SCN11A: variants seen among roughly 807,000 people sequenced by gnomAD.
The protein encoded by SCN11A is sodium voltage-gated channel alpha subunit 11.
SCN11A carries 122 observed loss-of-function variants against 162.2 expected under a neutral mutation model. That is an observed-to-expected ratio of 0.75 (90% confidence interval 0.65 to 0.87). The LOEUF (loss-of-function observed/expected upper bound fraction) is 0.87, where lower values mean the gene tolerates loss of function less well. Among genes scored for constraint, SCN11A ranks in the 40% least tolerant of loss-of-function variants. The pLI, the probability that SCN11A is intolerant of heterozygous loss-of-function variation, is 0.00. For synonymous variants in SCN11A, 758 were observed against 751.5 expected (o/e 1.01, Z -0.14); for missense variants, 2,015 against 2,181.6 (o/e 0.92, Z 1.52).
intron 23 of SCN11A, among the ~76,000 whole-genome samples, chr3:38,878,342 C>T (rs766919864): frequency 5.9e-5 from 9 of 152,034 alleles, no homozygotes; most frequent in Middle Eastern, 3.4e-3. Flanking sequence ...TTATAGTCCA[C>T]ATCCTCATTT....
intron 18 of SCN11A, among the ~76,000 whole-genome samples, chr3:38,896,161 T>G (rs1345851537): frequency 6.6e-6 from 1 of 152,220 alleles, no homozygotes; most frequent in African/African-American, 2.4e-5. Flanking sequence ...TCACTCTACC[T>G]GCCTCAGTGT....
chr3:38,889,812 TAAAATAAAATAAAATAAAATA>T (rs2065467490), intron 19 of SCN11A, among the ~76,000 whole-genome samples: 1 of 40,570 alleles, frequency 2.5e-5, no homozygotes, highest in South Asian at 6.3e-4. Context: ...AAAAATAAAA[TAAAATAAAATAAAATAAAATA>T]AAATAAAATA....
At chr3:38,941,347 G>A (rs183716562) in intron 7 of SCN11A, among the ~76,000 whole-genome samples, 14 of 152,234 alleles carry the variant, frequency 9.2e-5, no homozygotes, top group African/African-American at 3.4e-4. Flanking sequence ...GACATTTTCA[G>A]ATCAATATAA....
intron 2 of SCN11A, among the ~76,000 whole-genome samples, chr3:38,994,885 A>G (rs1261210704): frequency 6.6e-6 from 1 of 152,192 alleles, no homozygotes; most frequent in East Asian, 1.9e-4. Context: ...AGAGGCTGCC[A>G]GAAATGTGAG....
At chr3:39,048,849 T>C (rs1456921735) in intron 1 of SCN11A, among the ~76,000 whole-genome samples, 5 of 152,328 alleles carry the variant, frequency 3.3e-5, no homozygotes, top group African/African-American at 9.6e-5. Context: ...AGGAACCAAA[T>C]AGTGCTGTGG....
intron 7 of SCN11A, among the ~76,000 whole-genome samples, chr3:38,931,777 C>A (rs530285039): frequency 1.3e-5 from 2 of 152,220 alleles, no homozygotes; most frequent in African/African-American, 4.8e-5. Flanking sequence ...CACCATCATA[C>A]CTCTAGCGGG....
intron 1 of SCN11A, among the ~76,000 whole-genome samples, chr3:39,041,026 G>C (rs979705793): frequency 1.3e-5 from 2 of 152,202 alleles, no homozygotes; most frequent in Non-Finnish European, 2.9e-5. Context: ...AGCTTGCAGT[G>C]AGCTGAGATA....
intron 7 of SCN11A, among the ~76,000 whole-genome samples, chr3:38,942,919 T>C (rs1398527924): frequency 6.6e-6 from 1 of 152,206 alleles, no homozygotes; most frequent in Non-Finnish European, 1.5e-5. Flanking sequence ...AGCAGTTTAT[T>C]AGAAAGTTAC....
chr3:38,881,111 C>T (rs1173458072), intron 22 of SCN11A, among the ~76,000 whole-genome samples: 1 of 152,198 alleles, frequency 6.6e-6, no homozygotes, highest in African/African-American at 2.4e-5. Flanking sequence ...AGAAGGCCCT[C>T]TATCTCATCC....
chr3:39,015,456 T>C (rs2031266648), intron 2 of SCN11A, among the ~76,000 whole-genome samples: 1 of 152,180 alleles, frequency 6.6e-6, no homozygotes, highest in Non-Finnish European at 1.5e-5. Context: ...GAGACTGACT[T>C]ATGGCCATAG....
chr3:38,950,491 G>A, intron 4 of SCN11A, 122 bp from the exon 5 acceptor site: 1 of 977,082 alleles, frequency 1.0e-6, no homozygotes, highest in Non-Finnish European at 1.5e-6. Context: ...GCTGAGCTGA[G>A]GTCAGGGGCC....
At chr3:39,032,024 A>G (rs754228394) in intron 2 of SCN11A, among the ~76,000 whole-genome samples, 2 of 152,344 alleles carry the variant, frequency 1.3e-5, no homozygotes, top group African/African-American at 2.4e-5. Context: ...GTTATACAAA[A>G]GGAGTGGATT....
intron 9 of SCN11A, among the ~76,000 whole-genome samples, chr3:38,922,055 C>T (rs1378914739): frequency 6.6e-6 from 1 of 152,136 alleles, no homozygotes; most frequent in East Asian, 1.9e-4. Flanking sequence ...TGTCACTGGA[C>T]AGAGCTGGAA....
intron 27 of SCN11A, among the ~76,000 whole-genome samples, chr3:38,864,337 G>A (rs1001100205): frequency 6.6e-6 from 1 of 152,082 alleles, no homozygotes; most frequent in African/African-American, 2.4e-5. Context: ...AATTAATCAA[G>A]TTGTTCTGGG....
rs1021231604 is a variant in SCN11A, at chr3:38,965,981, TA to T, written c.-279-5559del. On this transcript the variant is annotated intron_variant, in intron 2 of 29. Transcript: ENST00000302328. ...GGTGACAGAACAAGACCCTGTCCCT[TA>T]AAAAAAATTAAAAAAAAAAGAAGCT... 3.5e-4 allele frequency among the ~76,000 whole-genome samples: 53 copies of T among 150,952 alleles called. No homozygotes were observed. The South Asian group carries it at 3.6e-3, about 10-fold the overall frequency.
rs2065954681 is a variant in SCN11A at position 38,915,945 on chromosome 3, T to C, written c.959+3990A>G. Reference sequence around the variant, plus strand: ...TATTGTGTGGGAGTCTAAGTCTCTTTGTAGGTCTCTAAGAACTTGCCTTTT... The same window carrying C: ...TATTGTGTGGGAGTCTAAGTCTCTTCGTAGGTCTCTAAGAACTTGCCTTTT... On this transcript the variant is annotated intron_variant, in intron 11 of 29. Transcript: ENST00000302328. Among the ~76,000 whole-genome samples, 4 of 152,192 alleles carry C rather than the reference T, an allele frequency of 2.6e-5. No homozygotes were observed. The South Asian group carries it at 8.3e-4, about 32-fold the overall frequency.
At chr3:38,923,377 C>G (rs1382669075) in intron 9 of SCN11A, among the ~76,000 whole-genome samples, 1 of 152,134 alleles carries the variant, frequency 6.6e-6, no homozygotes, top group Non-Finnish European at 1.5e-5. Flanking sequence ...TCTCCCTGGA[C>G]TCCTGGACTC....
chr3:38,994,850 C>T (rs1189697476), intron 2 of SCN11A, among the ~76,000 whole-genome samples: 1 of 152,150 alleles, frequency 6.6e-6, no homozygotes, highest in Non-Finnish European at 1.5e-5. Context: ...ACATGGCCAG[C>T]AGAGGAGCTA....
At position 38,885,449 on chromosome 3, in the gene SCN11A, C is replaced by T. The variant is rs551887196; in HGVS notation, c.2950-47G>A. 10 of 1,002,812 alleles carry T rather than the reference C, an allele frequency of 1.0e-5. No individual in the cohort carries two copies. In the East Asian group the frequency reaches 2.4e-4, roughly 24 times the overall value. 62.1% of individuals were successfully genotyped at this position (1,002,812 alleles called of 1,614,324 possible). On this transcript the variant is annotated intron_variant, in intron 20 of 29. Transcript: ENST00000302328. ...AGGGGGTGCCTTTTACTAAGACCTT[C>T]TTTCACCATAGTAGTACGGAGTTTC...
Sources: gnomAD v4.1 joint callset for allele counts (sites outside exome capture counted in the v4.1 genomes callset) on GRCh38, gnomAD v4.1.1 for gene constraint, MANE v1.5 for transcripts, NCBI Gene and HGNC (gene_info 2026-07-23, HGNC 2026-07-21) for gene names.